Variants in C12orf42 observed in about 807,000 individuals in gnomAD.
C12orf42 encodes the protein chromosome 12 open reading frame 42.
Under a neutral mutation model 21.6 loss-of-function variants are expected in C12orf42, and 25 were observed. That is an observed-to-expected ratio of 1.16 (90% CI 0.84 to 1.62). C12orf42 has a LOEUF of 1.62. Ranked by LOEUF, C12orf42 falls within the 40% of genes most tolerant of loss-of-function variation. C12orf42 has a pLI of 0.00. For synonymous variants in C12orf42, 174 were observed against 175.0 expected (o/e 0.99, Z 0.05); for missense variants, 483 against 459.3 (o/e 1.05, Z -0.47).
chr12:103,416,246 G>A (rs2139020742), intron 2 of C12orf42, among the ~76,000 whole-genome samples: 1 of 151,466 alleles, frequency 6.6e-6, no homozygotes, highest in South Asian at 2.1e-4. Flanking sequence ...AAAAAGGGTT[G>A]TGACTCCCAG....
At chr12:103,127,028 T>G in the C12orf42 span, among the ~76,000 whole-genome samples, 1 of 152,222 alleles carries the variant, frequency 6.6e-6, no homozygotes, top group South Asian at 2.1e-4. Context: ...TTGTTTTACT[T>G]GTCAGATTAT....
chr12:103,081,450 G>A, the C12orf42 span: 2 of 152,114 alleles, frequency 1.3e-5, no homozygotes, highest in African/African-American at 4.8e-5. Flanking sequence ...TCTCTCTTGT[G>A]TTGCACCTTT....
the C12orf42 span, among the ~76,000 whole-genome samples, chr12:103,152,375 C>G: frequency 1.3e-5 from 2 of 152,158 alleles, no homozygotes; most frequent in Admixed American, 1.3e-4. Context: ...ACCTAAAAAT[C>G]TATAGAGAAC....
the C12orf42 span, among the ~76,000 whole-genome samples, chr12:103,137,958 A>G: frequency 6.6e-6 from 1 of 152,148 alleles, no homozygotes; most frequent in East Asian, 1.9e-4. Context: ...GTTTGATAGC[A>G]GAGTATAATA....
At chr12:103,383,122 C>CTTTTTTTTTTTTT (rs10552452) in intron 3 of C12orf42, among the ~76,000 whole-genome samples, 1 of 148,282 alleles carries the variant, frequency 6.7e-6, no homozygotes. Context: ...CTGACTCATT[C>CTTTTTTTTTTTTT]TTTTTTTTTT....
chr12:103,545,164 A>T, the C12orf42 span, among the ~76,000 whole-genome samples: 1 of 152,274 alleles, frequency 6.6e-6, no homozygotes, highest in Middle Eastern at 3.4e-3. Flanking sequence ...GAATTTGAGG[A>T]TTTCACTGGC....
At chr12:103,127,123 T>A in the C12orf42 span, among the ~76,000 whole-genome samples, 1 of 152,176 alleles carries the variant, frequency 6.6e-6, no homozygotes. Context: ...AGGAGGAGCA[T>A]CATTTGATGG....
the C12orf42 span, among the ~76,000 whole-genome samples, chr12:103,143,017 G>T: frequency 6.6e-6 from 1 of 152,148 alleles, no homozygotes; most frequent in African/African-American, 2.4e-5. Flanking sequence ...TGGAGGCTGG[G>T]GTTAGTTTAA....
chr12:103,074,097 A>T, the C12orf42 span, among the ~76,000 whole-genome samples: 1 of 152,212 alleles, frequency 6.6e-6, no homozygotes, highest in Non-Finnish European at 1.5e-5. Flanking sequence ...ACAGACAAAT[A>T]AAAGGTAAGA....
At chr12:103,357,100 G>A (rs2043647374) in intron 4 of C12orf42, among the ~76,000 whole-genome samples, 1 of 142,454 alleles carries the variant, frequency 7.0e-6, no homozygotes, top group Non-Finnish European at 1.5e-5. Flanking sequence ...TGAACAATGA[G>A]AACACATGGA....
At position 103,269,188 on chromosome 12, in the gene C12orf42, T is replaced by A. The variant is rs149977096; in HGVS notation, n.446-226A>T. Among the ~76,000 whole-genome samples, 41 of 152,308 alleles carry A rather than the reference T, an allele frequency of 2.7e-4. No individual in the cohort carries two copies. In the East Asian group the frequency reaches 7.7e-3, roughly 29 times the overall value. ...ATGAAGTGCTATTTTAAAACAATCA[T>A]ATACTGGCTCAAAATATTCTATTAC... On this transcript the variant is annotated intron_variant and non_coding_transcript_variant, in intron 6 of 6. Coordinates refer to the C12orf42 transcript ENST00000546526.
the C12orf42 span, among the ~76,000 whole-genome samples, chr12:103,123,070 G>A: frequency 9.2e-5 from 14 of 152,154 alleles, no homozygotes; most frequent in Admixed American, 9.2e-4. Context: ...TATTTAATTG[G>A]AAATGATGCT....
At chr12:103,202,443 C>T in the C12orf42 span, among the ~76,000 whole-genome samples, 1 of 152,166 alleles carries the variant, frequency 6.6e-6, no homozygotes, top group African/African-American at 2.4e-5. Context: ...TGAGATCATA[C>T]ACCCTGAAAA....
the C12orf42 span, among the ~76,000 whole-genome samples, chr12:103,166,636 A>G: frequency 6.6e-6 from 1 of 152,204 alleles, no homozygotes; most frequent in African/African-American, 2.4e-5. Flanking sequence ...ATTCAAAGGC[A>G]ATAAACCCTT....
chr12:103,062,598 T>A, the C12orf42 span, among the ~76,000 whole-genome samples: 1 of 152,138 alleles, frequency 6.6e-6, no homozygotes, highest in Admixed American at 6.5e-5. Flanking sequence ...TTATTTCTAA[T>A]GACAAAACCA....
At chr12:103,051,701 T>C in the C12orf42 span, among the ~76,000 whole-genome samples, 1 of 151,954 alleles carries the variant, frequency 6.6e-6, no homozygotes, top group African/African-American at 2.4e-5. Context: ...TTTTGGGGAG[T>C]GTAAGCCCTT....
intron 1 of C12orf42, among the ~76,000 whole-genome samples, chr12:103,484,871 T>G (rs1176962052): frequency 1.4e-5 from 2 of 141,054 alleles, no homozygotes; most frequent in Admixed American, 7.0e-5. Context: ...CAGTTTTTTT[T>G]TTTTTTTTTT....
the C12orf42 span, chr12:103,164,729 T>A: frequency 4.4e-6 from 2 of 455,628 alleles, no homozygotes; most frequent in Non-Finnish European, 8.8e-6. Flanking sequence ...TGATGAATAC[T>A]CCTTTATTTA....
downstream of C12orf42, among the ~76,000 whole-genome samples, chr12:103,298,816 C>T (rs1490696645): frequency 2.0e-5 from 3 of 152,186 alleles, no homozygotes; most frequent in Non-Finnish European, 4.4e-5. Context: ...GTGCTGCCAT[C>T]TTTCATAAAC....
Sources: gnomAD v4.1 joint callset for allele counts (sites outside exome capture counted in the v4.1 genomes callset) on GRCh38, gnomAD v4.1.1 for gene constraint, MANE v1.5 for transcripts, NCBI Gene and HGNC (gene_info 2026-07-23, HGNC 2026-07-21) for gene names.